Variants in WASHC5 observed in about 807,000 individuals in gnomAD.
WASHC5 encodes WASH complex subunit strumpellin.
WASHC5 carries 101 observed loss-of-function variants against 150.4 expected under a neutral mutation model. The observed-to-expected ratio is 0.67, with a 90% confidence interval of 0.57 to 0.79. The LOEUF (loss-of-function observed/expected upper bound fraction) is 0.79. Among genes scored for constraint, WASHC5 ranks in the 30% least tolerant of loss-of-function variants. WASHC5 has a pLI of 0.00. For missense variants in WASHC5, 1,195 were observed against 1,396.3 expected, an observed-to-expected ratio of 0.86 and a Z score of 2.30; for synonymous variants, 467 against 491.2, an observed-to-expected ratio of 0.95 and a Z score of 0.65.
At chr8:125,029,030 CTTTT>C (rs574526697) in intron 27 of WASHC5, among the ~76,000 whole-genome samples, 18,489 of 122,800 alleles carry the variant, frequency 0.15, 2,603 homozygotes, top group African/African-American at 0.38. Flanking sequence ...TCCCTGCACA[CTTTT>C]TTTTTTTTTT....
intron 15 of WASHC5, 81 bp from the exon 16 acceptor site, chr8:125,056,898 T>C: frequency 6.5e-7 from 1 of 1,541,746 alleles, no homozygotes; most frequent in South Asian, 1.1e-5. Flanking sequence ...ATGCCTAATT[T>C]GTCTATATAG....
chr8:125,078,208 A>G (rs1817120568), intron 6 of WASHC5, among the ~76,000 whole-genome samples: 1 of 152,202 alleles, frequency 6.6e-6, no homozygotes, highest in Non-Finnish European at 1.5e-5. Context: ...CAAATGCTGC[A>G]TGATCTTCAC....
intron 10 of WASHC5, among the ~76,000 whole-genome samples, chr8:125,065,168 A>G (rs16900323): frequency 0.026 from 3,999 of 152,292 alleles, 180 homozygotes; most frequent in African/African-American, 0.092. Flanking sequence ...AAGATTAGAA[A>G]AAACACAGGT....
intron 26 of WASHC5, among the ~76,000 whole-genome samples, chr8:125,035,912 T>C (rs1815689366): frequency 6.6e-6 from 1 of 152,244 alleles, no homozygotes; most frequent in African/African-American, 2.4e-5. Context: ...TAAAGTAAAC[T>C]AAAGTCTATA....
At chr8:125,075,986 C>T (rs947598330) in intron 7 of WASHC5, among the ~76,000 whole-genome samples, 1 of 152,050 alleles carries the variant, frequency 6.6e-6, no homozygotes, top group Non-Finnish European at 1.5e-5. Flanking sequence ...TTCCTATTCA[C>T]AAAGTGACAA....
intron 17 of WASHC5, among the ~76,000 whole-genome samples, chr8:125,054,100 A>G (rs1232744727): frequency 1.3e-5 from 2 of 152,050 alleles, no homozygotes; most frequent in African/African-American, 4.8e-5. Flanking sequence ...TTTCAGAGGA[A>G]CTCTTGCACA....
At chr8:125,070,024 C>A (rs1816854813) in intron 9 of WASHC5, among the ~76,000 whole-genome samples, 1 of 152,206 alleles carries the variant, frequency 6.6e-6, no homozygotes, top group Non-Finnish European at 1.5e-5. Flanking sequence ...GTTCCCAGGG[C>A]CTGACCATCT....
chr8:125,026,610 G>C (rs1052371338), intron 28 of WASHC5, among the ~76,000 whole-genome samples: 26 of 152,202 alleles, frequency 1.7e-4, no homozygotes, highest in Admixed American at 1.0e-3. Flanking sequence ...AGGGGACTAA[G>C]TTGCTATTTT....
intron 5 of WASHC5, 53 bp from the exon 6 acceptor site, chr8:125,078,983 C>T: frequency 6.8e-7 from 1 of 1,460,088 alleles, no homozygotes. Flanking sequence ...ATATTAGAAA[C>T]TGAAAAGTCC....
chr8:125,056,807 A>T lies in WASHC5; in HGVS notation c.1886T>A (p.Ile629Asn), dbSNP rs761323996. 2 of 1,614,186 alleles carry T rather than the reference A, an allele frequency of 1.2e-6. No individual in the cohort carries two copies. The highest frequency in any genetic ancestry group is 2.2e-5 in the East Asian group (1 of 44,892). The change falls in exon 16 of 29, where the codon ATC becomes AAC. Residue 629 changes from isoleucine to asparagine, a missense_variant. Ile to Asn is a moderately radical substitution (Grantham distance 149, BLOSUM62 -3). Around this residue, in one of 3 missense-constraint regions of WASHC5, gnomAD observed 997 missense variants for 1,168.1 expected, o/e 0.85. Transcript: ENST00000318410. ...LVSYVRKVLQ[I>N]IPESMFTSLL... ...AGATGTAAACATGCTTTCTGGGATG[A>T]TCTGCAAAACCTTCAGTGAAAAGGA... is the stretch of plus-strand genomic sequence containing the variant.
Position 125,044,098 on chromosome 8 carries a change from A to G in WASHC5, c.2668-4T>C, listed in dbSNP as rs1287776726. 1.9e-6 allele frequency: 3 copies of G among 1,587,924 alleles called. No individual in the cohort carries two copies. The highest frequency in any genetic ancestry group is 2.2e-5 in the South Asian group (2 of 90,506). On this transcript the variant is annotated splice_polypyrimidine_tract_variant and splice_region_variant and intron_variant, in intron 21 of 28. Coordinates refer to ENST00000318410, the MANE Select transcript of WASHC5 (RefSeq NM_014846.4). Reference sequence around the variant, plus strand: ...TCTGAAACATACTGAGGAAATTCTAAAAACAAGAAGGCACGGTCAAAGAAC... The same window carrying G: ...TCTGAAACATACTGAGGAAATTCTAGAAACAAGAAGGCACGGTCAAAGAAC...
At position 125,037,283 on chromosome 8, in the gene WASHC5, T is replaced by C. The variant is rs1815740350; in HGVS notation, c.3135A>G (p.Leu1045=). Residue 1045 remains leucine (L), a synonymous_variant, in exon 26 of 29, where the codon CTA becomes CTG. Coordinates refer to ENST00000318410, the MANE Select transcript of WASHC5 (RefSeq NM_014846.4). Reference sequence around the variant, plus strand: ...GTTTTGGCAACTGAGCGATCAAAAATAGAAAGTTTACAATTGGAAAATAGG... The same window carrying C: ...GTTTTGGCAACTGAGCGATCAAAAACAGAAAGTTTACAATTGGAAAATAGG... ...RLPYFPIVNF[L]FLIAQLPKLQ... 4 of 1,612,638 alleles carry C rather than the reference T, an allele frequency of 2.5e-6. No individual in the cohort carries two copies. Among genetic ancestry groups the C allele is most frequent in the East Asian group, 2.2e-5 (1 of 44,812 alleles).
Position 125,083,849 on chromosome 8 carries a change from C to A in WASHC5, c.50G>T (p.Arg17Met). ...GATGGCATTACCACAGGAAACAATC[C>A]TTAGGATTGCTTGGCCACAGAGGTT... ...ENNLCGQAIL[R>M]IVSCGNAIIA... Residue 17 changes from arginine to methionine, a missense_variant, in exon 2 of 29, where the codon AGG becomes ATG. Physicochemically the swap from Arg to Met is moderately conservative, Grantham distance 91. This residue lies in a region of WASHC5 where 195 missense variants were observed against 206.9 expected (regional missense o/e 0.94). Transcript: ENST00000318410. 1 of 1,613,956 alleles carries A rather than the reference C, an allele frequency of 6.2e-7. No homozygotes were observed. The highest frequency in any genetic ancestry group is 8.5e-7 in the Non-Finnish European group (1 of 1,179,960).
At chr8:125,088,879 A>T (rs1328866563) in intron 1 of WASHC5, among the ~76,000 whole-genome samples, 1 of 152,066 alleles carries the variant, frequency 6.6e-6, no homozygotes, top group African/African-American at 2.4e-5. Context: ...GTTACAAGTA[A>T]GTGCAAAGGC....
chr8:125,067,821 A>G, intron 9 of WASHC5, 102 bp from the exon 10 acceptor site: 1 of 1,250,318 alleles, frequency 8.0e-7, no homozygotes, highest in Non-Finnish European at 1.1e-6. Context: ...CCATTTAAAA[A>G]GTAATAAGCA....
intron 23 of WASHC5, 57 bp from the exon 24 acceptor site, chr8:125,039,955 T>C: frequency 8.8e-7 from 1 of 1,132,930 alleles, no homozygotes; most frequent in African/African-American, 1.5e-5. Flanking sequence ...AGAGTGACAG[T>C]GAGGAGGTAA....
intron 1 of WASHC5, among the ~76,000 whole-genome samples, chr8:125,087,396 G>A (rs1468585112): frequency 6.6e-6 from 1 of 152,016 alleles, no homozygotes; most frequent in East Asian, 1.9e-4. Context: ...ACTAGAAGTC[G>A]GTGAGGGAAC....
intron 20 of WASHC5, among the ~76,000 whole-genome samples, chr8:125,046,436 C>T (rs1586348252): frequency 6.6e-6 from 1 of 152,202 alleles, no homozygotes; most frequent in African/African-American, 2.4e-5. Context: ...GTAGAGCCCA[C>T]ATAACCCGTA....
intron 1 of WASHC5, among the ~76,000 whole-genome samples, chr8:125,087,277 C>T (rs1817447485): frequency 6.6e-6 from 1 of 152,200 alleles, no homozygotes. Flanking sequence ...GCATTTTCCT[C>T]CAATCCCCAT....
Sources: allele counts gnomAD v4.1 joint callset (sites outside exome capture counted in the v4.1 genomes callset), GRCh38; gene constraint gnomAD v4.1.1; regional missense constraint gnomAD v4.1.1; transcripts MANE v1.5; gene names NCBI Gene and HGNC (gene_info 2026-07-23, HGNC 2026-07-21).